PCDHAC2: variants seen among roughly 807,000 people sequenced by gnomAD.
PCDHAC2 encodes protocadherin alpha-C2.
PCDHAC2 carries 24 observed loss-of-function variants against 63.3 expected under a neutral mutation model. That is an observed-to-expected ratio of 0.38 (90% CI 0.27 to 0.53). PCDHAC2 has a LOEUF of 0.53. PCDHAC2 is among the 20% of genes least tolerant of loss of function. PCDHAC2 has a pLI of 0.81. For synonymous variants in PCDHAC2, 569 were observed against 529.4 expected, an observed-to-expected ratio of 1.07 and a Z score of -1.03; for missense variants, 1,181 against 1,275.2, an observed-to-expected ratio of 0.93 and a Z score of 1.12.
intron 3 of PCDHAC2, among the ~76,000 whole-genome samples, chr5:140,987,372 A>G (rs1357478474): frequency 6.6e-6 from 1 of 152,204 alleles, no homozygotes; most frequent in Non-Finnish European, 1.5e-5. Flanking sequence ...ATATCATTAC[A>G]GGGTCAGAAT....
chr5:140,981,024 A>G (rs2096915063), intron 2 of PCDHAC2, among the ~76,000 whole-genome samples: 2 of 152,112 alleles, frequency 1.3e-5, no homozygotes, highest in Admixed American at 6.5e-5. Flanking sequence ...AAGGCTGTTA[A>G]TATTTGGGGA....
At position 140,971,319 on chromosome 5, in the gene PCDHAC2, A is replaced by C. The variant is rs568701560; in HGVS notation, c.2565+1988A>C. ...TGGTACACAAACATTTAATCTAGGG[A>C]GAAAATTATTTCAGAAAGTGCTTGC... is the stretch of plus-strand genomic sequence containing the variant. On this transcript the variant is annotated intron_variant, in intron 1 of 3. Transcript: ENST00000289269. Among the ~76,000 whole-genome samples the C allele has an allele frequency of 2.1e-4, 32 of 152,346 alleles. 1 individual carries two copies. Among genetic ancestry groups the C allele is most frequent in the Admixed American group, 2.0e-3 (31 of 15,306 alleles).
rs1002607780 is a variant in PCDHAC2 at position 141,011,898 on chromosome 5, T to G, written c.*1961T>G. 1.8e-4 allele frequency: 27 copies of G among 148,586 alleles called. 1 individual carries two copies. Among genetic ancestry groups the G allele is most frequent in the Admixed American group, 1.5e-3 (23 of 15,026 alleles). The allele number at this position is 148,586 out of a possible 1,614,324, so 9.2% of individuals were successfully genotyped here. On this transcript the variant is annotated 3_prime_UTR_variant, in exon 4 of 4. Coordinates refer to ENST00000289269, the MANE Select transcript of PCDHAC2 (RefSeq NM_018899.6). ...TAGAAGTTTGATTAATTATATTATC[T>G]ATTTAGGCATTAATATAAAAGAGGT...
intron 3 of PCDHAC2, among the ~76,000 whole-genome samples, chr5:141,005,701 C>CAA (rs59860837): frequency 0.061 from 476 of 7,774 alleles, 114 homozygotes; most frequent in African/African-American, 0.16. Flanking sequence ...AACTCCGTCT[C>CAA]AAAAAAAAAA....
At chr5:140,985,072 A>C (rs2097134751) in intron 3 of PCDHAC2, among the ~76,000 whole-genome samples, 1 of 151,864 alleles carries the variant, frequency 6.6e-6, no homozygotes, top group Admixed American at 6.6e-5. Flanking sequence ...TGAGTAGCTG[A>C]GACTACAGGC....
intron 3 of PCDHAC2, among the ~76,000 whole-genome samples, chr5:140,998,139 G>C (rs1354714500): frequency 2.0e-5 from 3 of 152,176 alleles, no homozygotes; most frequent in Non-Finnish European, 4.4e-5. Flanking sequence ...TAGCTAACCT[G>C]TACTGAACAG....
At chr5:140,979,109 G>A (rs979649515) in intron 2 of PCDHAC2, 102 bp downstream of exon 2, 1 of 1,524,682 alleles carries the variant, frequency 6.6e-7, no homozygotes, top group Admixed American at 2.3e-5. Context: ...AAACTAAAAA[G>A]CTTTAGGTAC....
intron 3 of PCDHAC2, among the ~76,000 whole-genome samples, chr5:140,986,748 A>G (rs2097211627): frequency 6.6e-6 from 1 of 152,220 alleles, no homozygotes; most frequent in Non-Finnish European, 1.5e-5. Flanking sequence ...GGGATCTGGG[A>G]CTAAACAGTG....
intron 3 of PCDHAC2, among the ~76,000 whole-genome samples, chr5:140,999,676 C>T: frequency 6.6e-6 from 1 of 152,086 alleles, no homozygotes; most frequent in East Asian, 1.9e-4. Flanking sequence ...GGGGGGCTCA[C>T]AGAAAGAAGA....
chr5:140,968,118 C>T lies in PCDHAC2; in HGVS notation c.1352C>T (p.Ser451Phe), dbSNP rs141928119. The change falls in exon 1 of 4, where the codon TCC (serine) becomes TTC (phenylalanine). Residue 451 changes from serine (S) to phenylalanine (F), a missense_variant. Coordinates refer to ENST00000289269, the MANE Select transcript of PCDHAC2 (RefSeq NM_018899.6). ...GATGGGGGAATACCGCAGCTCACAT[C>T]CCTGCGTACACTGAAGGTTGAGATC... ...ATDGGIPQLTSLRTLKVEISD... is the reference protein window; with the variant it reads ...ATDGGIPQLTFLRTLKVEISD... 717 of 1,614,170 alleles carry T rather than the reference C, an allele frequency of 4.4e-4. No individual in the cohort carries two copies. Among genetic ancestry groups the T allele is most frequent in the Middle Eastern group, 2.3e-3 (14 of 6,062 alleles).
At position 140,969,339 on chromosome 5, in the gene PCDHAC2, A is replaced by AGTG. The variant is rs782647003; in HGVS notation, c.2565+11_2565+13dup. 3 of 1,613,948 alleles carry AGTG rather than the reference A, an allele frequency of 1.9e-6. No individual in the cohort carries two copies. Among genetic ancestry groups the AGTG allele is most frequent in the African/African-American group, 2.7e-5 (2 of 75,070 alleles). ...GCTGTTTCTCAAAATGAGGTGAGAC[A>AGTG]GTGGTCAGGGGGTCTTCTACAAACT... On this transcript the variant is annotated intron_variant, in intron 1 of 3. Transcript: ENST00000289269.
intron 1 of PCDHAC2, among the ~76,000 whole-genome samples, chr5:140,972,711 T>A (rs2096551404): frequency 6.7e-6 from 1 of 148,680 alleles, no homozygotes; most frequent in Non-Finnish European, 1.5e-5. Context: ...GTTGCCAGGC[T>A]GGAGTGCAGT....
chr5:140,987,811 CTT>C (rs1444999429), intron 3 of PCDHAC2, among the ~76,000 whole-genome samples: 7 of 152,218 alleles, frequency 4.6e-5, no homozygotes, highest in African/African-American at 1.7e-4. Flanking sequence ...GTGCCTGTCT[CTT>C]TGTTTCCTTA....
At position 140,978,997 on chromosome 5, in the gene PCDHAC2, G is replaced by C. The variant is rs782253140; in HGVS notation, c.2614G>C (p.Gly872Arg). The C allele has an allele frequency of 2.7e-5, 44 of 1,614,040 alleles. No individual in the cohort carries two copies. Among genetic ancestry groups the C allele is most frequent in the Non-Finnish European group, 3.6e-5 (43 of 1,180,028 alleles). ...GCGTTACTCTGCCTCCCTGAGAGCA[G>C]GCATGCACAGGTATGTATTTCCCTC... ...DWRYSASLRAGMHSSVHLEEA... is the reference protein window; with the variant it reads ...DWRYSASLRARMHSSVHLEEA... Residue 872 changes from glycine to arginine, a missense_variant, in exon 2 of 4, where the codon GGC becomes CGC. Transcript: ENST00000289269.
chr5:140,980,317 A>G (rs1435571559), intron 2 of PCDHAC2, among the ~76,000 whole-genome samples: 1 of 152,194 alleles, frequency 6.6e-6, no homozygotes, highest in Non-Finnish European at 1.5e-5. Context: ...TAAAAACTAC[A>G]TTTGAAATAA....
At chr5:141,007,015 A>G (rs1342063703) in intron 3 of PCDHAC2, among the ~76,000 whole-genome samples, 1 of 152,210 alleles carries the variant, frequency 6.6e-6, no homozygotes, top group Non-Finnish European at 1.5e-5. Flanking sequence ...TCATCAGCTT[A>G]TTCATATGGT....
rs540052499 is a variant in PCDHAC2 at position 140,992,812 on chromosome 5, G to A, written c.2713+10249G>A. Among the ~76,000 whole-genome samples the A allele has an allele frequency of 2.5e-4, 38 of 152,228 alleles. No homozygotes were observed. The South Asian group carries it at 7.9e-3, about 32-fold the overall frequency. ...TTTTATGGATCCATATGTATCTAAG[G>A]ATGTGTTTGTTTTTTGGGAACATTT... is the stretch of plus-strand genomic sequence containing the variant. On this transcript the variant is annotated intron_variant, in intron 3 of 3. Transcript: ENST00000289269.
chr5:140,977,610 A>G (rs1056611698), intron 1 of PCDHAC2, among the ~76,000 whole-genome samples: 1 of 152,196 alleles, frequency 6.6e-6, no homozygotes, highest in Non-Finnish European at 1.5e-5. Context: ...CCATTGAGGT[A>G]AAGTATCCCA....
chr5:140,990,369 C>T (rs2097390541), intron 3 of PCDHAC2, among the ~76,000 whole-genome samples: 1 of 152,054 alleles, frequency 6.6e-6, no homozygotes, highest in South Asian at 2.1e-4. Flanking sequence ...TCTAATAAAG[C>T]AAATTTGTTG....
Sources: gnomAD v4.1 joint callset for allele counts (sites outside exome capture counted in the v4.1 genomes callset) on GRCh38, gnomAD v4.1.1 for gene constraint, MANE v1.5 for transcripts, NCBI Gene and HGNC (gene_info 2026-07-23, HGNC 2026-07-21) for gene names.